Variants in SDK1 observed in about 807,000 individuals in gnomAD.
SDK1 encodes the protein sidekick cell adhesion molecule 1.
In SDK1, 157 loss-of-function variants were observed where a neutral mutation model predicts 245.5. The observed-to-expected ratio is 0.64, with a 90% CI of 0.56 to 0.73. The LOEUF is 0.73. Among genes scored for constraint, SDK1 ranks in the 30% least tolerant of loss-of-function variants. The probability of loss-of-function intolerance (pLI) is 0.00; values close to 1 mark genes in which losing one functional copy is unlikely to be tolerated. For missense variants in SDK1, 3,583 were observed against 3,002.3 expected (o/e 1.19, Z -4.52); for synonymous variants, 1,647 against 1,278.5 (o/e 1.29, Z -6.15).
In SDK1 at chr7:3,742,398, G is replaced by A. The variant is rs1185948514; in HGVS notation, c.714-79052G>A. Among the ~76,000 whole-genome samples the A allele has an allele frequency of 2.0e-5, 3 of 152,168 alleles. No individual in the cohort carries two copies. The East Asian group carries it at 5.8e-4, about 29-fold the overall frequency. ...CGTGTTCCTCCCAGCTCTACTTCCG[G>A]TAAGGAGAATTTCCCAGAAAAGGAG... On this transcript the variant is annotated intron_variant, in intron 4 of 44. Coordinates refer to ENST00000404826, the MANE Select transcript of SDK1 (RefSeq NM_152744.4).
chr7:4,042,761 G>T (rs933402913), intron 17 of SDK1, among the ~76,000 whole-genome samples: 1 of 152,120 alleles, frequency 6.6e-6, no homozygotes, highest in African/African-American at 2.4e-5. Context: ...AAGGGGCAGG[G>T]TTATGTAACC....
intron 1 of SDK1, among the ~76,000 whole-genome samples, chr7:3,499,095 C>T (rs961350763): frequency 2.0e-5 from 3 of 152,136 alleles, no homozygotes; most frequent in African/African-American, 7.2e-5. Flanking sequence ...AAAGTGTGCC[C>T]TTTCTACAAC....
In SDK1 at chr7:3,640,414, G is replaced by A. The variant is rs569985873; in HGVS notation, c.565+1304G>A. On this transcript the variant is annotated intron_variant, in intron 3 of 44. Transcript: ENST00000404826. ...TTATTTTACCATAAGCCTAATGACT[G>A]AGTGAAGTGGAGATGCTATACATGT... Among the ~76,000 whole-genome samples, 22 of 152,252 alleles carry A rather than the reference G, an allele frequency of 1.4e-4. No individual in the cohort carries two copies. In the East Asian group the frequency reaches 4.2e-3, roughly 29 times the overall value.
chr7:3,507,079 G>T (rs572796700), intron 1 of SDK1, among the ~76,000 whole-genome samples: 3 of 152,094 alleles, frequency 2.0e-5, no homozygotes, highest in Non-Finnish European at 4.4e-5. Context: ...ATTATCATAT[G>T]GTTTGTTTAG....
chr7:3,948,641 T>C (rs1173478495), intron 5 of SDK1, among the ~76,000 whole-genome samples: 2 of 152,192 alleles, frequency 1.3e-5, no homozygotes, highest in African/African-American at 4.8e-5. Context: ...AACCCCGTGA[T>C]GGATGGATGT....
At chr7:3,906,881 C>T (rs950591484) in intron 5 of SDK1, among the ~76,000 whole-genome samples, 2 of 152,072 alleles carry the variant, frequency 1.3e-5, no homozygotes, top group Non-Finnish European at 2.9e-5. Context: ...CCGCCCACCT[C>T]GGCCTCCCGA....
chr7:3,725,595 A>G (rs956518016), intron 4 of SDK1, among the ~76,000 whole-genome samples: 1 of 152,160 alleles, frequency 6.6e-6, no homozygotes, highest in Non-Finnish European at 1.5e-5. Flanking sequence ...TCTACTTTTT[A>G]ATATAAACCA....
At chr7:3,319,756 T>A (rs369018254) in intron 1 of SDK1, among the ~76,000 whole-genome samples, 8 of 152,172 alleles carry the variant, frequency 5.3e-5, no homozygotes, top group Middle Eastern at 6.8e-3. Context: ...AATCAAAATA[T>A]AGCATTTTGA....
intron 17 of SDK1, among the ~76,000 whole-genome samples, chr7:4,043,192 T>C (rs767770881): frequency 6.7e-6 from 1 of 148,894 alleles, no homozygotes; most frequent in Admixed American, 6.7e-5. Context: ...TCAAGTAGAG[T>C]GAGTGTCACA....
intron 4 of SDK1, among the ~76,000 whole-genome samples, chr7:3,819,792 C>G (rs1183772253): frequency 6.6e-6 from 1 of 152,014 alleles, no homozygotes; most frequent in Non-Finnish European, 1.5e-5. Flanking sequence ...GCAATAACTT[C>G]TTAAGATAAT....
chr7:3,957,235 A>C (rs1006548887), intron 7 of SDK1, among the ~76,000 whole-genome samples: 1 of 152,196 alleles, frequency 6.6e-6, no homozygotes, highest in African/African-American at 2.4e-5. Context: ...GTGGACCTAC[A>C]CACGTAATAA....
At chr7:4,071,101 C>T (rs1214390496) in intron 20 of SDK1, among the ~76,000 whole-genome samples, 1 of 152,084 alleles carries the variant, frequency 6.6e-6, no homozygotes, top group African/African-American at 2.4e-5. Flanking sequence ...TCTTGGCTCA[C>T]TGGAACATCC....
intron 4 of SDK1, among the ~76,000 whole-genome samples, chr7:3,690,927 G>A (rs1211987313): frequency 6.6e-6 from 1 of 152,128 alleles, no homozygotes; most frequent in East Asian, 1.9e-4. Context: ...ATGTCTATAG[G>A]CATTCACTGG....
intron 28 of SDK1, among the ~76,000 whole-genome samples, chr7:4,138,044 A>G (rs888646645): frequency 2.6e-5 from 4 of 152,202 alleles, no homozygotes; most frequent in African/African-American, 7.2e-5. Flanking sequence ...ACCAGCTGAT[A>G]TTATCTTTAT....
intron 28 of SDK1, among the ~76,000 whole-genome samples, chr7:4,135,469 A>G (rs1779011202): frequency 6.6e-6 from 1 of 152,250 alleles, no homozygotes; most frequent in Non-Finnish European, 1.5e-5. Flanking sequence ...ATTCACTGAA[A>G]TAGCAAGAAA....
intron 1 of SDK1, among the ~76,000 whole-genome samples, chr7:3,346,827 A>ATATATATTTTTTT (rs1228887289): frequency 1.2e-4 from 2 of 16,388 alleles, no homozygotes; most frequent in Non-Finnish European, 2.1e-4. Context: ...ATATATATAT[A>ATATATATTTTTTT]TTTTTTTTTT....
chr7:4,064,429 A>G (rs545609948), intron 19 of SDK1, among the ~76,000 whole-genome samples: 4 of 152,346 alleles, frequency 2.6e-5, no homozygotes, highest in African/African-American at 9.6e-5. Context: ...AATGCTGACA[A>G]TCATGTGGAG....
chr7:3,440,108 C>T (rs751827212), intron 1 of SDK1, among the ~76,000 whole-genome samples: 4 of 152,146 alleles, frequency 2.6e-5, no homozygotes, highest in East Asian at 1.9e-4. Context: ...AATGGAAATC[C>T]GGAAGTAAAT....
chr7:3,539,962 A>AT (rs34593798), intron 1 of SDK1, among the ~76,000 whole-genome samples: 4 of 152,074 alleles, frequency 2.6e-5, no homozygotes, highest in South Asian at 2.1e-4. Context: ...ATACCTCCTA[A>AT]TTTTTTTTAG....
Sources: allele counts gnomAD v4.1 joint callset (sites outside exome capture counted in the v4.1 genomes callset), GRCh38; gene constraint gnomAD v4.1.1; transcripts MANE v1.5; gene names NCBI Gene and HGNC (gene_info 2026-07-23, HGNC 2026-07-21).